The following IDH3A variants were observed in gnomAD, a reference collection of about 807,000 sequenced individuals.
IDH3A encodes isocitrate dehydrogenase [NAD] subunit alpha, mitochondrial.
IDH3A carries 23 observed loss-of-function variants against 43.3 expected under a neutral mutation model. The ratio of observed to expected loss-of-function variants is 0.53; its 90% CI spans 0.38 to 0.75. IDH3A has a LOEUF of 0.75. IDH3A is among the 30% of genes least tolerant of loss of function. IDH3A has a pLI of 0.00. For missense variants in IDH3A, 329 were observed against 474.4 expected (o/e 0.69, Z 2.85); for synonymous variants, 154 against 163.5 (o/e 0.94, Z 0.44).
chr15:78,163,404 G>T, intron 6 of IDH3A, 103 bp from the exon 7 acceptor site: 1 of 735,470 alleles, frequency 1.4e-6, no homozygotes, highest in Non-Finnish European at 2.3e-6. Context: ...AGGTAGCTTG[G>T]CTTCTGGAAC....
chr15:78,166,115 T>C (rs746429420), intron 9 of IDH3A, 35 bp from the exon 10 acceptor site: 13 of 1,600,794 alleles, frequency 8.1e-6, no homozygotes, highest in South Asian at 3.3e-5. Flanking sequence ...AGTTTTTGTC[T>C]CTCCCTTGAT....
rs913007856 is a variant in IDH3A, at chr15:78,171,283, G to A, written c.*2278G>A. 2.8e-5 allele frequency: 15 copies of A among 542,412 alleles called. No homozygotes were observed. The Admixed American group carries it at 3.5e-4, about 13-fold the overall frequency. 33.6% of individuals were successfully genotyped at this position (542,412 alleles called of 1,614,324 possible). On this transcript the variant is annotated 3_prime_UTR_variant, in exon 11 of 11. Coordinates refer to ENST00000299518, the MANE Select transcript of IDH3A (RefSeq NM_005530.3). ...TTCTTGGAATTGTCAGCTATTGTTG[G>A]CGTAAGACCTGGTAAATGTAGAGCC... is the stretch of plus-strand genomic sequence containing the variant.
At chr15:78,157,486 C>G (rs1190179433) in intron 2 of IDH3A, 62 bp from the exon 3 acceptor site, 1 of 1,127,330 alleles carries the variant, frequency 8.9e-7, no homozygotes, top group African/African-American at 1.6e-5. Context: ...TCAAAATATT[C>G]TTTTTTAAGC....
intron 3 of IDH3A, 86 bp downstream of exon 3, chr15:78,157,717 T>C (rs2074636563): frequency 2.4e-6 from 2 of 819,510 alleles, no homozygotes; most frequent in Admixed American, 2.3e-5. Context: ...TTAGGATGCA[T>C]TGTACCCATT....
In IDH3A at chr15:78,161,735, C is replaced by T. The variant is rs761727727; in HGVS notation, c.444C>T (p.Asn148=). Residue 148 remains asparagine (N), a synonymous_variant, in exon 5 of 11, where the codon AAC becomes AAT. Coordinates refer to ENST00000299518, the MANE Select transcript of IDH3A (RefSeq NM_005530.3). This position sits in a 1 kb window ranked among gnomAD's most constrained non-coding sequence, Gnocchi z 4.8. ...TAAATATTGTGACCATTCGAGAGAA[C>T]ACAGAAGGAGAATACAGTGGAATTG... The part of the protein sequence containing the change: ...TDVNIVTIRE[N]TEGEYSGIEH... The T allele has an allele frequency of 3.7e-6, 6 of 1,614,016 alleles. No homozygotes were observed. In the African/African-American group the frequency reaches 8.0e-5, roughly 22 times the overall value.
chr15:78,160,663 A>T (rs780272467), intron 4 of IDH3A, among the ~76,000 whole-genome samples: 1 of 151,994 alleles, frequency 6.6e-6, no homozygotes, highest in East Asian at 1.9e-4. Context: ...CTAATTTTTT[A>T]AAAAGTTTTT....
rs1245352375 is a variant in IDH3A, at chr15:78,164,995, C to T, written c.783C>T (p.Asp261=). ...MPNLYGDILS[D]LCAGLIGGLG... ...TGAAATGCTTTTCTTCCGCTAGTGA[C>T]TTGTGTGCAGGATTGATCGGAGGTC... The change falls in exon 9 of 11, where the codon GAC becomes GAT. Residue 261 remains aspartate (D), a synonymous_variant. Transcript: ENST00000299518. 1 of 1,611,582 alleles carries T rather than the reference C, an allele frequency of 6.2e-7. No individual in the cohort carries two copies. Among genetic ancestry groups the T allele is most frequent in the Non-Finnish European group, 8.5e-7 (1 of 1,178,440 alleles).
At position 78,153,901 on chromosome 15, in the gene IDH3A, A is replaced by G. The variant is rs867783117; in HGVS notation, c.28-1312A>G. Reference sequence around the variant, plus strand: ...CCGGGCATGGTGGTGCATCCCTGTAATCCCAGCTACTTTCAGGAGGCTGAG... The same window carrying G: ...CCGGGCATGGTGGTGCATCCCTGTAGTCCCAGCTACTTTCAGGAGGCTGAG... On this transcript the variant is annotated intron_variant, in intron 1 of 10. Transcript: ENST00000299518. 9.9e-5 allele frequency among the ~76,000 whole-genome samples: 15 copies of G among 152,162 alleles called. No homozygotes were observed. The South Asian group carries it at 1.2e-3, about 13-fold the overall frequency.
In IDH3A at chr15:78,165,259, T is replaced by C. The variant is rs190200923; in HGVS notation, c.864+183T>C. Reference sequence around the variant, plus strand: ...CACGCTGGAGTACAGTGGTGCGATCTTGGCTCACTGCAACCTCTGCCTCCC... The same window carrying C: ...CACGCTGGAGTACAGTGGTGCGATCCTGGCTCACTGCAACCTCTGCCTCCC... On this transcript the variant is annotated intron_variant, in intron 9 of 10. Coordinates refer to ENST00000299518, the MANE Select transcript of IDH3A (RefSeq NM_005530.3). Among the ~76,000 whole-genome samples, 93 of 152,218 alleles carry C rather than the reference T, an allele frequency of 6.1e-4. 1 individual carries two copies. The highest frequency in any genetic ancestry group is 2.1e-3 in the African/African-American group (86 of 41,542).
In IDH3A at chr15:78,149,448, G is replaced by T; in HGVS notation, c.27+18G>T. 6.5e-7 allele frequency: 1 copy of T among 1,535,320 alleles called. No individual in the cohort carries two copies. The highest frequency in any genetic ancestry group is 8.7e-7 in the Non-Finnish European group (1 of 1,147,764). ...TCTCTAAGGTGAGCGCTGGCAGGCC[G>T]GCGTGTGGCAGGCAGGCAGGCCGCG... On this transcript the variant is annotated intron_variant, in intron 1 of 10. Coordinates refer to ENST00000299518, the MANE Select transcript of IDH3A (RefSeq NM_005530.3).
At position 78,166,179 on chromosome 15, in the gene IDH3A, C is replaced by A. The variant is rs764389772; in HGVS notation, c.894C>A (p.Gly298=). ...ATGGGACGGCTCCAGACATTGCAGG[C>A]AAGGACATGGCGAATCCCACAGCCC... is the stretch of plus-strand genomic sequence containing the variant. The part of the protein sequence containing the change: ...SVHGTAPDIA[G]KDMANPTALL... The change falls in exon 10 of 11, where the codon GGC becomes GGA. Residue 298 remains glycine, a synonymous_variant. Coordinates refer to ENST00000299518, the MANE Select transcript of IDH3A (RefSeq NM_005530.3). 6.2e-7 allele frequency: 1 copy of A among 1,614,152 alleles called. No individual in the cohort carries two copies. The highest frequency in any genetic ancestry group is 1.7e-5 in the Admixed American group (1 of 60,018).
intron 1 of IDH3A, chr15:78,151,653 G>T: frequency 6.6e-6 from 1 of 152,084 alleles, no homozygotes; most frequent in Non-Finnish European, 1.5e-5. Flanking sequence ...AAGGAAATGA[G>T]TTGTGGATTA....
In IDH3A at chr15:78,166,190, C is replaced by T. The variant is rs1333029414; in HGVS notation, c.905C>T (p.Ala302Val). The T allele has an allele frequency of 1.9e-6, 3 of 1,613,984 alleles. No homozygotes were observed. Among genetic ancestry groups the T allele is most frequent in the African/African-American group, 2.7e-5 (2 of 74,904 alleles). Residue 302 changes from alanine to valine, a missense_variant, in exon 10 of 11, where the codon GCG becomes GTG. Ala to Val is a moderately conservative substitution (Grantham distance 64). Coordinates refer to ENST00000299518, the MANE Select transcript of IDH3A (RefSeq NM_005530.3). ...CCAGACATTGCAGGCAAGGACATGG[C>T]GAATCCCACAGCCCTCCTGCTCAGT... Reference protein sequence around the residue: ...TAPDIAGKDMANPTALLLSAV... With the variant: ...TAPDIAGKDMVNPTALLLSAV...
At chr15:78,155,018 A>T (rs1214050919) in intron 1 of IDH3A, among the ~76,000 whole-genome samples, 195 bp from the exon 2 acceptor site, 5 of 152,180 alleles carry the variant, frequency 3.3e-5, no homozygotes, top group African/African-American at 1.2e-4. Flanking sequence ...CTAAAGTAAA[A>T]ATCTGAGTAT....
Position 78,163,503 on chromosome 15 carries a change from A to G in IDH3A, c.612-4A>G, listed in dbSNP as rs746493510. ...TTCAGCAGTTTTTATTTGATTAAAT[A>G]CAGGCGGATGTCAGATGGGCTTTTT... On this transcript the variant is annotated splice_polypyrimidine_tract_variant and splice_region_variant and intron_variant, in intron 6 of 10. Transcript: ENST00000299518. 5.0e-6 allele frequency: 8 copies of G among 1,598,742 alleles called. No individual in the cohort carries two copies. The highest frequency in any genetic ancestry group is 6.9e-6 in the Non-Finnish European group (8 of 1,167,738).
intron 2 of IDH3A, 174 bp from the exon 3 acceptor site, chr15:78,157,374 T>G: frequency 3.2e-6 from 2 of 626,612 alleles, no homozygotes; most frequent in East Asian, 5.8e-5. Flanking sequence ...GTCTCTCCTC[T>G]GTTGATTCCT....
intron 1 of IDH3A, among the ~76,000 whole-genome samples, chr15:78,153,961 G>A (rs928413294): frequency 1.3e-5 from 2 of 151,758 alleles, no homozygotes; most frequent in South Asian, 4.2e-4. Context: ...AGTGAGCCGA[G>A]ATTGCACCAT....
At chr15:78,164,881 A>G in intron 8 of IDH3A, 111 bp from the exon 9 acceptor site, 1 of 801,384 alleles carries the variant, frequency 1.2e-6, no homozygotes, top group East Asian at 2.5e-5. Context: ...CATTTATCCA[A>G]GGAATGCTAC....
At chr15:78,167,471 A>C (rs1231080437) in intron 10 of IDH3A, 2 of 152,184 alleles carry the variant, frequency 1.3e-5, no homozygotes, top group South Asian at 2.1e-4. Flanking sequence ...ACTCATCCCT[A>C]ATTTGAGGTC....
Sources: allele counts gnomAD v4.1 joint callset (sites outside exome capture counted in the v4.1 genomes callset), GRCh38; gene constraint gnomAD v4.1.1; non-coding constraint Gnocchi (gnomAD v3.1); transcripts MANE v1.5; gene names NCBI Gene and HGNC (gene_info 2026-07-23, HGNC 2026-07-21).